CEBPZ: variants seen among roughly 807,000 people sequenced by gnomAD.
CEBPZ encodes CCAAT/enhancer-binding protein zeta.
A neutral mutation model predicts 104.5 loss-of-function variants in CEBPZ; 78 were observed. That is an observed-to-expected ratio of 0.75 (90% CI 0.62 to 0.90). The LOEUF (loss-of-function observed/expected upper bound fraction) is 0.90, where lower values mean the gene tolerates loss of function less well. CEBPZ is among the 40% of genes least tolerant of loss of function. The pLI is 0.00. For synonymous variants in CEBPZ, 470 were observed against 427.0 expected, an observed-to-expected ratio of 1.10 and a Z score of -1.24; for missense variants, 1,439 against 1,233.5, an observed-to-expected ratio of 1.17 and a Z score of -2.50.
intron 4 of CEBPZ, 31 bp from the exon 5 acceptor site, chr2:37,220,504 A>G: frequency 8.4e-7 from 1 of 1,191,258 alleles, no homozygotes; most frequent in Non-Finnish European, 1.2e-6. Context: ...ACGATTTCTC[A>G]AATGCTTTCT....
At chr2:37,205,464 C>G (rs1677505031) in intron 13 of CEBPZ, among the ~76,000 whole-genome samples, 2 of 152,164 alleles carry the variant, frequency 1.3e-5, no homozygotes, top group Admixed American at 1.3e-4. Flanking sequence ...AGAACAACCC[C>G]CTTTGACTGC....
At chr2:37,207,808 C>G (rs565940489) in intron 13 of CEBPZ, among the ~76,000 whole-genome samples, 17 of 151,926 alleles carry the variant, frequency 1.1e-4, no homozygotes, top group Non-Finnish European at 1.8e-4. Flanking sequence ...AATATCAGAG[C>G]AGAACTAAAT....
intron 13 of CEBPZ, among the ~76,000 whole-genome samples, chr2:37,205,241 C>G (rs1039546669): frequency 6.6e-6 from 1 of 152,214 alleles, no homozygotes; most frequent in Non-Finnish European, 1.5e-5. Flanking sequence ...CCTCTGAGCC[C>G]AAGCTAAGCC....
At chr2:37,214,378 CTTATT>C (rs1677817361) in intron 9 of CEBPZ, among the ~76,000 whole-genome samples, 2 of 152,012 alleles carry the variant, frequency 1.3e-5, no homozygotes, top group Admixed American at 6.6e-5. Context: ...TGGTTTAGGA[CTTATT>C]TCTATAACAG....
chr2:37,226,081 C>G (rs1376658787), intron 2 of CEBPZ, among the ~76,000 whole-genome samples: 1 of 151,640 alleles, frequency 6.6e-6, no homozygotes, highest in Non-Finnish European at 1.5e-5. Context: ...TGACACATCC[C>G]CCTCTTCGAG....
chr2:37,220,003 C>T (rs1476122850), intron 5 of CEBPZ, among the ~76,000 whole-genome samples: 1 of 152,108 alleles, frequency 6.6e-6, no homozygotes, highest in Non-Finnish European at 1.5e-5. Flanking sequence ...AACTTCAAGG[C>T]ATTACATCCT....
chr2:37,207,178 T>C (rs1677567688), intron 13 of CEBPZ, among the ~76,000 whole-genome samples: 1 of 152,108 alleles, frequency 6.6e-6, no homozygotes, highest in Non-Finnish European at 1.5e-5. Context: ...CCTAAGAAAT[T>C]AGACAGATGG....
intron 1 of CEBPZ, 150 bp downstream of exon 1, chr2:37,231,262 G>A: frequency 9.7e-7 from 1 of 1,035,530 alleles, no homozygotes; most frequent in Non-Finnish European, 1.5e-6. Context: ...AAACCGGCGT[G>A]GGAAGCGCAC....
chr2:37,216,836 T>C (rs541380643), intron 6 of CEBPZ, 148 bp downstream of exon 6: 4 of 666,478 alleles, frequency 6.0e-6, no homozygotes, highest in Admixed American at 5.9e-5. Flanking sequence ...TCTGCTACTC[T>C]GTATGAAACA....
At position 37,228,008 on chromosome 2, in the gene CEBPZ, C is replaced by T. The variant is rs1310634909; in HGVS notation, c.1185G>A (p.Gln395=). 4 of 1,614,058 alleles carry T rather than the reference C, an allele frequency of 2.5e-6. No individual in the cohort carries two copies. The highest frequency in any genetic ancestry group is 3.4e-6 in the Non-Finnish European group (4 of 1,180,036). Residue 395 remains glutamine (Q), a synonymous_variant, in exon 2 of 16, where the codon CAG becomes CAA. Coordinates refer to ENST00000234170, the MANE Select transcript of CEBPZ (RefSeq NM_005760.3). The part of the protein sequence containing the change: ...VQVVNKLGDP[Q]NRIATKASHL... ...GGGATGCTTTTGTGGCAATTCTGTT[C>T]TGAGGATCTCCCAGTTTATTTACCA...
At chr2:37,202,689 A>G in intron 15 of CEBPZ, 95 bp downstream of exon 15, 1 of 247,770 alleles carries the variant, frequency 4.0e-6, no homozygotes, top group Non-Finnish European at 7.2e-6. Context: ...AAAAAAAAAA[A>G]AAAGAATAAA....
At chr2:37,215,287 TAATA>T (rs1282009795) in intron 8 of CEBPZ, 1 of 176,304 alleles carries the variant, frequency 5.7e-6, no homozygotes, top group African/African-American at 2.4e-5. Flanking sequence ...AGAGTTATTT[TAATA>T]AATAATCACT....
intron 13 of CEBPZ, 107 bp downstream of exon 13, chr2:37,210,892 A>C (rs1677700328): frequency 2.1e-5 from 10 of 477,534 alleles, no homozygotes; most frequent in South Asian, 8.3e-5. Context: ...AACCCCCCCC[A>C]CCCCTGAATT....
chr2:37,228,016 C>T lies in CEBPZ; in HGVS notation c.1177G>A (p.Asp393Asn), dbSNP rs1317585292. The T allele has an allele frequency of 2.5e-6, 4 of 1,614,168 alleles. No homozygotes were observed. The highest frequency in any genetic ancestry group is 1.7e-5 in the Admixed American group (1 of 60,022). Residue 393 changes from aspartate (D) to asparagine (N), a missense_variant, in exon 2 of 16, where the codon GAT becomes AAT. Physicochemically the swap from Asp to Asn is conservative, Grantham distance 23 (BLOSUM62 1). Coordinates refer to ENST00000234170, the MANE Select transcript of CEBPZ (RefSeq NM_005760.3). ...TTTGTGGCAATTCTGTTCTGAGGAT[C>T]TCCCAGTTTATTTACCACTTGCACA... Reference protein sequence around the residue: ...LLVQVVNKLGDPQNRIATKAS... With the variant: ...LLVQVVNKLGNPQNRIATKAS...
Position 37,227,626 on chromosome 2 carries a change from T to C in CEBPZ, c.1567A>G (p.Ser523Gly), listed in dbSNP as rs933682969. The C allele has an allele frequency of 2.5e-6, 4 of 1,614,118 alleles. No homozygotes were observed. Among genetic ancestry groups the C allele is most frequent in the Non-Finnish European group, 3.4e-6 (4 of 1,180,008 alleles). ...KVLHIVNFNT[S>G]VQALMLLFQV... The stretch of plus-strand genomic sequence containing the variant: ...AAAAGCAACATTAAAGCCTGGACAC[T>C]GGTATTAAAATTCACAATATGCAAC... Residue 523 changes from serine (S) to glycine (G), a missense_variant, in exon 2 of 16, where the codon AGT (serine) becomes GGT (glycine). Physicochemically the swap from Ser to Gly is moderately conservative, Grantham distance 56. Transcript: ENST00000234170.
At chr2:37,204,047 T>A (rs1677419418) in intron 13 of CEBPZ, 1 of 152,174 alleles carries the variant, frequency 6.6e-6, no homozygotes, top group Admixed American at 6.5e-5. Flanking sequence ...TCTAAAACAT[T>A]TCATCTTGAT....
chr2:37,228,356 T>C lies in CEBPZ; in HGVS notation c.837A>G (p.Lys279=), dbSNP rs1664943079. Residue 279 remains lysine (K), a synonymous_variant, in exon 2 of 16, where the codon AAA becomes AAG. Transcript: ENST00000234170. ...LVNLVKKKGS[K]QQCLMALDTF... is the part of the protein sequence containing the mutation. ...TATCCAAGGCCATAAGGCACTGCTG[T>C]TTGCTGCCCTTCTTTTTAACAAGGT... 2 of 1,614,070 alleles carry C rather than the reference T, an allele frequency of 1.2e-6. No individual in the cohort carries two copies. Among genetic ancestry groups the C allele is most frequent in the Non-Finnish European group, 1.7e-6 (2 of 1,180,040 alleles).
At chr2:37,220,555 T>C (rs776099244) in intron 4 of CEBPZ, 82 bp from the exon 5 acceptor site, 1 of 616,240 alleles carries the variant, frequency 1.6e-6, no homozygotes, top group East Asian at 3.2e-5. Context: ...CCATTAATAT[T>C]CTCAACAGAT....
rs760807148 is a variant in CEBPZ at position 37,201,682 on chromosome 2, C to CA, written c.*81dup. ...CTGAGAAGTCTGGAATGTATGGAATCAGAGAGCTAGATCAAAAAACATGGT... is the reference window on the plus strand; with the variant it reads ...CTGAGAAGTCTGGAATGTATGGAATCAAGAGAGCTAGATCAAAAAACATGGT... On this transcript the variant is annotated 3_prime_UTR_variant, in exon 16 of 16. Transcript: ENST00000234170. 7 of 851,026 alleles carry CA rather than the reference C, an allele frequency of 8.2e-6. No individual in the cohort carries two copies. In the African/African-American group the frequency reaches 1.2e-4, roughly 14 times the overall value. The allele number at this position is 851,026 out of a possible 1,614,324, so 52.7% of individuals were successfully genotyped here.
Sources: gnomAD v4.1 joint callset for allele counts (sites outside exome capture counted in the v4.1 genomes callset) on GRCh38, gnomAD v4.1.1 for gene constraint, MANE v1.5 for transcripts, NCBI Gene and HGNC (gene_info 2026-07-23, HGNC 2026-07-21) for gene names.